Variants in ZDHHC9 observed in about 807,000 individuals in gnomAD.
The protein encoded by ZDHHC9 is zDHHC palmitoyltransferase 9, also known as palmitoyltransferase ZDHHC9.
ZDHHC9 carries 3 observed loss-of-function variants against 26.6 expected under a neutral mutation model. The observed-to-expected ratio is 0.11, with a 90% CI of 0.05 to 0.29. ZDHHC9 has a LOEUF of 0.29. Ranked by LOEUF, ZDHHC9 falls within the 10% of genes least tolerant of loss-of-function variation. The probability of loss-of-function intolerance (pLI) is 1.00; values close to 1 mark genes in which losing one functional copy is unlikely to be tolerated. For synonymous variants in ZDHHC9, 111 were observed against 109.4 expected (o/e 1.01, Z -0.09); for missense variants, 146 against 296.4 (o/e 0.49, Z 3.73).
intron 6 of ZDHHC9, among the ~76,000 whole-genome samples, chrX:129,814,112 T>C (rs959043087): frequency 8.9e-6 from 1 of 112,177 alleles, no homozygotes; most frequent in African/African-American, 3.2e-5. Context: ...CTCAGAACTC[T>C]TCTCTTTCCA....
intron 4 of ZDHHC9, 150 bp downstream of exon 4, chrX:129,828,831 T>C: frequency 1.3e-6 from 1 of 775,639 alleles, no homozygotes; most frequent in Non-Finnish European, 2.0e-6. Flanking sequence ...CATTACTAAA[T>C]TCACGGGGTA....
At chrX:129,826,020 T>C in intron 4 of ZDHHC9, among the ~76,000 whole-genome samples, 1 of 111,985 alleles carries the variant, frequency 8.9e-6, no homozygotes, top group Non-Finnish European at 1.9e-5. Flanking sequence ...AGAGTGCCTG[T>C]CTCATTGCAC....
chrX:129,809,344 G>A (rs976070281), intron 10 of ZDHHC9, among the ~76,000 whole-genome samples: 1 of 112,329 alleles, frequency 8.9e-6, no homozygotes, highest in African/African-American at 3.2e-5. Context: ...ATGGATAAAT[G>A]AAATGTGGTA....
At chrX:129,812,016 AACTT>A (rs1391243351) in intron 8 of ZDHHC9, among the ~76,000 whole-genome samples, 1 of 111,356 alleles carries the variant, frequency 9.0e-6, no homozygotes, top group African/African-American at 3.3e-5. Context: ...AAGTAAGAGG[AACTT>A]ACTTTTTTCT....
chrX:129,835,479 T>C (rs1270239913), intron 3 of ZDHHC9, among the ~76,000 whole-genome samples: 1 of 98,363 alleles, frequency 1.0e-5, no homozygotes, highest in Admixed American at 1.1e-4. Context: ...AAAAAAAGAA[T>C]TATTAAAAGA....
At chrX:129,815,254 A>G (rs73565418) in intron 5 of ZDHHC9, among the ~76,000 whole-genome samples, 2,309 of 112,265 alleles carry the variant, frequency 0.021, 59 homozygotes, top group African/African-American at 0.071. Context: ...CTTAGAATAT[A>G]TAAGATTTTG....
chrX:129,808,106 C>T (rs1424588295), intron 10 of ZDHHC9, among the ~76,000 whole-genome samples: 1 of 111,883 alleles, frequency 8.9e-6, no homozygotes, highest in Non-Finnish European at 1.9e-5. Flanking sequence ...ATGTAAATGG[C>T]TCAGAATATT....
At chrX:129,837,950 T>C (rs1186131623) in intron 3 of ZDHHC9, among the ~76,000 whole-genome samples, 1 of 112,316 alleles carries the variant, frequency 8.9e-6, no homozygotes, top group East Asian at 2.8e-4. Context: ...TCAGTGGCAT[T>C]CTGCTACAGT....
At chrX:129,807,338 C>G (rs1332212428) in intron 10 of ZDHHC9, among the ~76,000 whole-genome samples, 2 of 106,445 alleles carry the variant, frequency 1.9e-5, no homozygotes, top group African/African-American at 6.9e-5. Flanking sequence ...CCCAGCTACT[C>G]GGGAGGCTGA....
intron 3 of ZDHHC9, among the ~76,000 whole-genome samples, chrX:129,830,838 G>A (rs781745645): frequency 1.2e-4 from 13 of 111,872 alleles, no homozygotes; most frequent in Non-Finnish European, 2.1e-4. Flanking sequence ...CAACTTCATG[G>A]GGGGACACAA....
At chrX:129,821,583 G>A (rs772470757) in intron 5 of ZDHHC9, among the ~76,000 whole-genome samples, 11 of 107,883 alleles carry the variant, frequency 1.0e-4, no homozygotes, top group Non-Finnish European at 1.2e-4. Context: ...GAGCCACCGC[G>A]CCTGGCCAGA....
rs1486715438 is a variant in ZDHHC9 at position 129,805,969 on chromosome X, A to G, written c.*401T>C. 9.9e-6 allele frequency: 2 copies of G among 202,983 alleles called. No individual in the cohort carries two copies. The highest frequency in any genetic ancestry group is 2.5e-4 in the East Asian group (2 of 8,075). 16.7% of individuals were successfully genotyped at this position (202,983 alleles called of 1,213,427 possible). ...CAGAGGTCTCTGTGACTGCCTCTGG[A>G]CTCAGCACGTGCAGCAGCTTGGGAG... is the stretch of plus-strand genomic sequence containing the variant. On this transcript the variant is annotated 3_prime_UTR_variant, in exon 11 of 11. Coordinates refer to ENST00000357166, the MANE Select transcript of ZDHHC9 (RefSeq NM_016032.4).
chrX:129,809,030 T>C (rs1196523850), intron 10 of ZDHHC9, among the ~76,000 whole-genome samples: 1 of 112,263 alleles, frequency 8.9e-6, no homozygotes, highest in Admixed American at 9.4e-5. Flanking sequence ...CCACTTCACA[T>C]TCACTAAGAT....
chrX:129,811,058 G>A, intron 9 of ZDHHC9, 57 bp from the exon 10 acceptor site: 1 of 1,068,584 alleles, frequency 9.4e-7, no homozygotes, highest in Admixed American at 2.2e-5. Flanking sequence ...CACCCACCTG[G>A]CCTACGGAAT....
At chrX:129,833,468 A>G (rs1928191869) in intron 3 of ZDHHC9, among the ~76,000 whole-genome samples, 1 of 112,148 alleles carries the variant, frequency 8.9e-6, no homozygotes, top group Admixed American at 9.4e-5. Context: ...TCATGAGTAG[A>G]ATGGGTAAGA....
chrX:129,823,919 G>T (rs1450970474), intron 4 of ZDHHC9, 82 bp from the exon 5 acceptor site: 1 of 978,862 alleles, frequency 1.0e-6, no homozygotes, highest in African/African-American at 1.9e-5. Flanking sequence ...AAAACCAATG[G>T]GGGCATTCAA....
intron 3 of ZDHHC9, among the ~76,000 whole-genome samples, chrX:129,834,353 C>T (rs1279606810): frequency 2.0e-5 from 2 of 101,262 alleles, no homozygotes. Flanking sequence ...ACATGTAGAA[C>T]CACCCATTAA....
intron 8 of ZDHHC9, 74 bp downstream of exon 8, chrX:129,812,644 T>C (rs1927668325): frequency 1.1e-6 from 1 of 933,518 alleles, no homozygotes; most frequent in African/African-American, 1.9e-5. Flanking sequence ...GACTCGGTAG[T>C]TCTCTAGCAG....
intron 4 of ZDHHC9, among the ~76,000 whole-genome samples, chrX:129,826,707 C>G (rs773896494): frequency 1.8e-5 from 2 of 111,650 alleles, no homozygotes; most frequent in East Asian, 5.6e-4. Context: ...TCGGGTCTCC[C>G]CAGAACTCCA....
Sources: gnomAD v4.1 joint callset for allele counts (sites outside exome capture counted in the v4.1 genomes callset) on GRCh38, gnomAD v4.1.1 for gene constraint, MANE v1.5 for transcripts, NCBI Gene and HGNC (gene_info 2026-07-23, HGNC 2026-07-21) for gene names.